CPNE4: variants seen among roughly 807,000 people sequenced by gnomAD.
The protein encoded by CPNE4 is copine 4.
A neutral mutation model predicts 67.9 loss-of-function variants in CPNE4; 25 were observed. The observed-to-expected ratio is 0.37, with a 90% CI of 0.27 to 0.51. The LOEUF (loss-of-function observed/expected upper bound fraction) is 0.51, where lower values mean the gene tolerates loss of function less well. Ranked by LOEUF, CPNE4 falls within the 20% of genes least tolerant of loss-of-function variation. The pLI, the probability that CPNE4 is intolerant of heterozygous loss-of-function variation, is 0.93. For synonymous variants in CPNE4, 242 were observed against 244.9 expected, an observed-to-expected ratio of 0.99 and a Z score of 0.11; for missense variants, 464 against 690.8, an observed-to-expected ratio of 0.67 and a Z score of 3.68.
At chr3:131,876,653 A>AAAAAG (rs762079430) in intron 2 of CPNE4, among the ~76,000 whole-genome samples, 8 of 140,666 alleles carry the variant, frequency 5.7e-5, no homozygotes, top group Admixed American at 7.7e-5. Flanking sequence ...AAAAAAAAAA[A>AAAAAG]AAAGAAAGAA....
At chr3:132,014,605 C>A (rs1304324675) in intron 1 of CPNE4, among the ~76,000 whole-genome samples, 1 of 152,058 alleles carries the variant, frequency 6.6e-6, no homozygotes, top group Non-Finnish European at 1.5e-5. Context: ...CTATTTTAAT[C>A]TCTCTCTTTG....
At chr3:131,843,706 C>T (rs1403311484) in intron 2 of CPNE4, among the ~76,000 whole-genome samples, 1 of 152,172 alleles carries the variant, frequency 6.6e-6, no homozygotes, top group Non-Finnish European at 1.5e-5. Flanking sequence ...TAAGTGGGAA[C>T]AAGGAGATCT....
intron 3 of CPNE4, among the ~76,000 whole-genome samples, chr3:131,705,494 T>A (rs2081394997): frequency 6.6e-6 from 1 of 152,190 alleles, no homozygotes; most frequent in Non-Finnish European, 1.5e-5. Context: ...GTTCTGCTGA[T>A]TTGGTCTTTC....
At chr3:132,001,384 T>C (rs1401168933) in intron 1 of CPNE4, among the ~76,000 whole-genome samples, 3 of 151,898 alleles carry the variant, frequency 2.0e-5, no homozygotes, top group Non-Finnish European at 4.4e-5. Flanking sequence ...GGTTGCTGTT[T>C]CAATCAATAT....
Position 131,596,664 on chromosome 3 carries a change from A to C in CPNE4, c.682-9082T>G, listed in dbSNP as rs550524557. Among the ~76,000 whole-genome samples, 314 of 150,888 alleles carry C rather than the reference A, an allele frequency of 2.1e-3. 8 individuals carry two copies. Among genetic ancestry groups the C allele is most frequent in the Non-Finnish European group, 3.9e-3 (263 of 67,666 alleles). Reference sequence around the variant, plus strand: ...AAAAAAAAAAAAAATTAAGTAAAGCAAATTTTTTTCAATAATCTGGATGGG... The same window carrying C: ...AAAAAAAAAAAAAATTAAGTAAAGCCAATTTTTTTCAATAATCTGGATGGG... On this transcript the variant is annotated intron_variant, in intron 7 of 15. Transcript: ENST00000429747.
chr3:131,587,472 T>A lies in CPNE4; in HGVS notation c.780+12A>T, dbSNP rs751800365. Reference sequence around the variant, plus strand: ...CGACTGGAGGCAAAACCAAAAGTGGTTGACCATGTACCTGTTTCCCTTCCA... The same window carrying A: ...CGACTGGAGGCAAAACCAAAAGTGGATGACCATGTACCTGTTTCCCTTCCA... On this transcript the variant is annotated intron_variant, in intron 8 of 15. Coordinates refer to ENST00000429747, the MANE Select transcript of CPNE4 (RefSeq NM_130808.3). The A allele has an allele frequency of 1.2e-5, 20 of 1,607,280 alleles. No individual in the cohort carries two copies. The highest frequency in any genetic ancestry group is 1.7e-4 in the Middle Eastern group (1 of 6,058).
intron 2 of CPNE4, among the ~76,000 whole-genome samples, chr3:131,860,711 T>TA (rs1285620103): frequency 6.6e-6 from 1 of 152,224 alleles, no homozygotes; most frequent in Non-Finnish European, 1.5e-5. Flanking sequence ...ATAGGGGTTA[T>TA]ATTGCTTATG....
At chr3:131,549,195 A>G (rs1367884857) in intron 14 of CPNE4, among the ~76,000 whole-genome samples, 1 of 152,196 alleles carries the variant, frequency 6.6e-6, no homozygotes, top group Non-Finnish European at 1.5e-5. Flanking sequence ...GGCTGAGAAC[A>G]TGAAGACAGT....
intron 7 of CPNE4, among the ~76,000 whole-genome samples, chr3:131,595,852 G>GAGA (rs1293257404): frequency 6.6e-6 from 1 of 152,030 alleles, no homozygotes; most frequent in East Asian, 1.9e-4. Context: ...GGTGAGCGTG[G>GAGA]AGAACATTAT....
intron 2 of CPNE4, among the ~76,000 whole-genome samples, chr3:131,768,269 A>G (rs1424235107): frequency 6.6e-6 from 1 of 152,066 alleles, no homozygotes; most frequent in Admixed American, 6.6e-5. Flanking sequence ...AGGAATTTCA[A>G]TTTCTTTTGT....
intron 15 of CPNE4, among the ~76,000 whole-genome samples, chr3:131,539,152 A>G (rs756439555): frequency 7.9e-5 from 12 of 152,190 alleles, no homozygotes; most frequent in Non-Finnish European, 1.6e-4. Context: ...GGGTAATGAA[A>G]TGGATTTCAA....
At chr3:131,565,115 C>T (rs532241911) in intron 10 of CPNE4, among the ~76,000 whole-genome samples, 3 of 151,926 alleles carry the variant, frequency 2.0e-5, no homozygotes, top group Admixed American at 2.0e-4. Context: ...AAAGAAAGAA[C>T]AAAAAATGCT....
rs1491267261 is a variant in CPNE4, at chr3:131,653,142, T to TC, written c.681+16532dup. On this transcript the variant is annotated intron_variant, in intron 7 of 15. Transcript: ENST00000429747. ...ACTCACATGGATTACTGATAGGACT[T>TC]CTTTTTTTTTTTTTTTTTTTTTTTG... 1.7e-4 allele frequency among the ~76,000 whole-genome samples: 24 copies of TC among 141,086 alleles called. No individual in the cohort carries two copies. In the South Asian group the frequency reaches 4.9e-3, roughly 29 times the overall value. The allele number at this position is 141,086 out of a possible 152,430, so 92.6% of individuals were successfully genotyped here. A position where few individuals can be genotyped will look rare whatever the true frequency, so the allele number is the denominator to read the frequency against.
At chr3:131,655,634 GAAATGA>G (rs1300660991) in intron 7 of CPNE4, among the ~76,000 whole-genome samples, 1 of 152,080 alleles carries the variant, frequency 6.6e-6, no homozygotes, top group Non-Finnish European at 1.5e-5. Flanking sequence ...ATTGCCACAG[GAAATGA>G]AACCGACGTC....
intron 2 of CPNE4, among the ~76,000 whole-genome samples, chr3:131,871,593 G>A (rs974302489): frequency 1.3e-5 from 2 of 152,144 alleles, no homozygotes; most frequent in African/African-American, 4.8e-5. Context: ...CAGGAAGTAG[G>A]AGAACAGTGG....
chr3:131,545,538 C>T (rs543151616), intron 14 of CPNE4, among the ~76,000 whole-genome samples: 1 of 152,136 alleles, frequency 6.6e-6, no homozygotes, highest in East Asian at 1.9e-4. Flanking sequence ...ACATATTTTC[C>T]TGTTATATTA....
chr3:131,801,693 C>G lies in CPNE4; in HGVS notation c.181-78068G>C, dbSNP rs114774647. Among the ~76,000 whole-genome samples, 1,198 of 149,578 alleles carry G rather than the reference C, an allele frequency of 8.0e-3. 14 individuals are homozygous for G. Among genetic ancestry groups the G allele is most frequent in the African/African-American group, 0.027 (1,115 of 40,956 alleles). ...TGACTCAACTGTGGGTTAGTGCTTTCCAAAACTGGGCATTATAGTGCAAAA... is the reference window on the plus strand; with the variant it reads ...TGACTCAACTGTGGGTTAGTGCTTTGCAAAACTGGGCATTATAGTGCAAAA... On this transcript the variant is annotated intron_variant, in intron 2 of 15. Transcript: ENST00000429747.
intron 2 of CPNE4, among the ~76,000 whole-genome samples, chr3:131,747,044 A>G (rs1323713511): frequency 6.6e-6 from 1 of 150,454 alleles, no homozygotes; most frequent in African/African-American, 2.4e-5. Flanking sequence ...ATTTTTTCAT[A>G]TATCTGTTGG....
At chr3:132,001,243 CA>C (rs1412755827) in intron 1 of CPNE4, among the ~76,000 whole-genome samples, 1 of 151,882 alleles carries the variant, frequency 6.6e-6, no homozygotes, top group African/African-American at 2.4e-5. Context: ...CTAGGTCAAC[CA>C]AAAGATTACT....
Sources: gnomAD v4.1 joint callset for allele counts (sites outside exome capture counted in the v4.1 genomes callset) on GRCh38, gnomAD v4.1.1 for gene constraint, MANE v1.5 for transcripts, NCBI Gene and HGNC (gene_info 2026-07-23, HGNC 2026-07-21) for gene names.